EBF1: variants seen among roughly 807,000 people sequenced by gnomAD.
EBF1 encodes the protein EBF transcription factor 1.
A neutral mutation model predicts 68.4 loss-of-function variants in EBF1; 10 were observed. The observed-to-expected ratio is 0.15, with a 90% CI of 0.09 to 0.25. EBF1 has a LOEUF of 0.25. EBF1 is among the 10% of genes least tolerant of loss of function. The pLI is 1.00. For synonymous variants in EBF1, 298 were observed against 299.8 expected, an observed-to-expected ratio of 0.99 and a Z score of 0.06; for missense variants, 509 against 794.4, an observed-to-expected ratio of 0.64 and a Z score of 4.32.
intron 4 of EBF1, among the ~76,000 whole-genome samples, chr5:159,091,798 T>G (rs1781698709): frequency 6.6e-6 from 1 of 152,196 alleles, no homozygotes; most frequent in African/African-American, 2.4e-5. Flanking sequence ...GATTGTACCT[T>G]GGACCCCCCA....
intron 6 of EBF1, among the ~76,000 whole-genome samples, chr5:159,015,524 G>A (rs1765463680): frequency 6.6e-6 from 1 of 152,190 alleles, no homozygotes; most frequent in Non-Finnish European, 1.5e-5. Flanking sequence ...CCTCAGGCTG[G>A]GAAGTTGTCT....
At chr5:158,872,476 A>C (rs1797055042) in intron 6 of EBF1, among the ~76,000 whole-genome samples, 1 of 152,200 alleles carries the variant, frequency 6.6e-6, no homozygotes, top group Non-Finnish European at 1.5e-5. Context: ...CTGGGATTAC[A>C]GGCGTGAGCC....
At chr5:158,909,956 T>TA (rs59274919) in intron 6 of EBF1, among the ~76,000 whole-genome samples, 3,279 of 46,606 alleles carry the variant, frequency 0.07, 657 homozygotes, top group East Asian at 0.33. Flanking sequence ...ACTCTGTCTA[T>TA]AAAAAAAAAA....
At chr5:158,731,241 C>T in intron 10 of EBF1, 84 bp from the exon 11 acceptor site, 3 of 1,269,366 alleles carry the variant, frequency 2.4e-6, no homozygotes, top group Non-Finnish European at 3.4e-6. Flanking sequence ...GTGGAAATAA[C>T]CAGGAAGTCC....
chr5:158,842,469 G>A (rs184268829), intron 6 of EBF1, among the ~76,000 whole-genome samples: 2 of 152,356 alleles, frequency 1.3e-5, no homozygotes, highest in East Asian at 1.9e-4. Context: ...AAGAGTGGGT[G>A]TGATATGGTG....
chr5:158,831,988 T>C (rs1172412272), intron 7 of EBF1, among the ~76,000 whole-genome samples: 4 of 152,168 alleles, frequency 2.6e-5, no homozygotes. Flanking sequence ...GAAAAATAAG[T>C]AAGATTATAC....
intron 6 of EBF1, among the ~76,000 whole-genome samples, chr5:158,952,844 G>A (rs879320876): frequency 6.6e-6 from 1 of 152,006 alleles, no homozygotes; most frequent in South Asian, 2.1e-4. Context: ...TGAAAACTGC[G>A]GCTAGGGACA....
chr5:158,959,556 T>G (rs1817760828), intron 6 of EBF1, among the ~76,000 whole-genome samples: 1 of 152,036 alleles, frequency 6.6e-6, no homozygotes, highest in African/African-American at 2.4e-5. Flanking sequence ...CCTCCCAAAG[T>G]GCTGGGATTA....
chr5:159,074,022 A>G (rs1231321743), intron 5 of EBF1, among the ~76,000 whole-genome samples: 1 of 152,216 alleles, frequency 6.6e-6, no homozygotes, highest in Non-Finnish European at 1.5e-5. Context: ...TTTCATGAGA[A>G]TAAAGGTAAA....
chr5:158,935,723 A>C (rs10475667), intron 6 of EBF1, among the ~76,000 whole-genome samples: 1 of 152,204 alleles, frequency 6.6e-6, no homozygotes, highest in African/African-American at 2.4e-5. Context: ...GCACATTTAT[A>C]CAACTCTCAC....
Position 159,016,383 on chromosome 5 carries a change from C to G in EBF1, c.554+57013G>C, listed in dbSNP as rs114305117. Among the ~76,000 whole-genome samples the G allele has an allele frequency of 3.6e-3, 548 of 152,126 alleles. 3 individuals carry two copies. The highest frequency in any genetic ancestry group is 0.012 in the African/African-American group (500 of 41,490). ...GACTGGTTACCACCCTCTTGCCTTT[C>G]GGAATTGCTCTCTCATAAATTAAAC... On this transcript the variant is annotated intron_variant, in intron 6 of 15. Coordinates refer to ENST00000313708, the MANE Select transcript of EBF1 (RefSeq NM_024007.5).
chr5:159,069,948 G>A (rs1777523285), intron 6 of EBF1, among the ~76,000 whole-genome samples: 2 of 152,114 alleles, frequency 1.3e-5, no homozygotes, highest in African/African-American at 4.8e-5. Context: ...GAAGTTTATT[G>A]CAAACCTTTT....
At chr5:158,954,983 T>C (rs1816771218) in intron 6 of EBF1, among the ~76,000 whole-genome samples, 1 of 152,148 alleles carries the variant, frequency 6.6e-6, no homozygotes, top group Non-Finnish European at 1.5e-5. Flanking sequence ...GAGTGTTATG[T>C]GCCAAGCATT....
intron 6 of EBF1, among the ~76,000 whole-genome samples, chr5:158,916,407 T>C: frequency 6.6e-6 from 1 of 152,208 alleles, no homozygotes; most frequent in Non-Finnish European, 1.5e-5. Flanking sequence ...ACTTATCTCA[T>C]TGGATTTGAT....
At chr5:158,751,379 G>GGACT (rs143439377) in intron 10 of EBF1, among the ~76,000 whole-genome samples, 20,570 of 151,976 alleles carry the variant, frequency 0.14, 1,593 homozygotes, top group Non-Finnish European at 0.17. Context: ...CACATGCCAG[G>GGACT]GACTCCTTTA....
At chr5:159,079,602 CTTTT>C (rs58461083) in intron 5 of EBF1, among the ~76,000 whole-genome samples, 2,818 of 113,592 alleles carry the variant, frequency 0.025, 41 homozygotes, top group African/African-American at 0.061. Flanking sequence ...CTCCTTTTAT[CTTTT>C]TTTTTTTTTT....
intron 9 of EBF1, among the ~76,000 whole-genome samples, chr5:158,788,098 C>G (rs1327005674): frequency 6.6e-6 from 1 of 152,154 alleles, no homozygotes; most frequent in African/African-American, 2.4e-5. Context: ...GTGCAAAGCT[C>G]TGTGCTGGGC....
chr5:158,830,114 A>C (rs914930569), intron 7 of EBF1, among the ~76,000 whole-genome samples: 1 of 152,230 alleles, frequency 6.6e-6, no homozygotes, highest in Non-Finnish European at 1.5e-5. Context: ...AAGTTATGGC[A>C]GTCCAGATTT....
chr5:158,983,323 C>G (rs1490061735), intron 6 of EBF1: 1 of 152,068 alleles, frequency 6.6e-6, no homozygotes, highest in African/African-American at 2.4e-5. Flanking sequence ...GAGGTATATT[C>G]ACTTATTAAG....
Sources: allele counts gnomAD v4.1 joint callset (sites outside exome capture counted in the v4.1 genomes callset), GRCh38; gene constraint gnomAD v4.1.1; transcripts MANE v1.5; gene names NCBI Gene and HGNC (gene_info 2026-07-23, HGNC 2026-07-21).